PIK3C2G: variants seen among roughly 807,000 people sequenced by gnomAD.
PIK3C2G encodes the protein phosphatidylinositol 3-kinase C2 domain-containing subunit gamma.
A neutral mutation model predicts 181.1 loss-of-function variants in PIK3C2G; 168 were observed. The ratio of observed to expected loss-of-function variants is 0.93; its 90% CI spans 0.82 to 1.05. The LOEUF (loss-of-function observed/expected upper bound fraction) is 1.05. Among genes scored for constraint, PIK3C2G ranks in the 50% least tolerant of loss-of-function variants. PIK3C2G has a pLI of 0.00. For missense variants in PIK3C2G, 1,869 were observed against 1,732.8 expected, an observed-to-expected ratio of 1.08 and a Z score of -1.40; for synonymous variants, 573 against 592.2, an observed-to-expected ratio of 0.97 and a Z score of 0.47.
At chr12:18,594,443 A>G in intron 29 of PIK3C2G, 51 bp from the exon 30 acceptor site, 1 of 1,018,978 alleles carries the variant, frequency 9.8e-7, no homozygotes, top group Non-Finnish European at 1.4e-6. Context: ...AATGAATAGC[A>G]GTAACAAATA....
chr12:18,461,681 C>G (rs1414337908), intron 18 of PIK3C2G, among the ~76,000 whole-genome samples: 1 of 152,116 alleles, frequency 6.6e-6, no homozygotes, highest in Non-Finnish European at 1.5e-5. Context: ...AAAAGAAGCT[C>G]CAGAAAGCTA....
the PIK3C2G span, among the ~76,000 whole-genome samples, chr12:18,704,976 T>A: frequency 3.3e-5 from 5 of 152,228 alleles, no homozygotes; most frequent in African/African-American, 1.2e-4. Context: ...TATATAAATT[T>A]TAATCGAAAT....
At chr12:18,342,227 T>C (rs1939210467) in intron 9 of PIK3C2G, among the ~76,000 whole-genome samples, 3 of 152,102 alleles carry the variant, frequency 2.0e-5, no homozygotes, top group African/African-American at 7.2e-5. Context: ...TATGTAGTTG[T>C]TAAGAGTAGC....
At chr12:18,405,397 G>GTGGTGTTGTTGT (rs113689341) in intron 16 of PIK3C2G, among the ~76,000 whole-genome samples, 17 of 139,878 alleles carry the variant, frequency 1.2e-4, no homozygotes, top group African/African-American at 3.8e-4. Flanking sequence ...AGCAACATTT[G>GTGGTGTTGTTGT]TGTTGTTGTT....
intron 29 of PIK3C2G, among the ~76,000 whole-genome samples, chr12:18,578,844 CAA>C (rs1244775611): frequency 6.6e-6 from 1 of 151,990 alleles, no homozygotes; most frequent in Non-Finnish European, 1.5e-5. Context: ...GTTAATAAAA[CAA>C]GAGATTTAAC....
At chr12:18,601,355 T>C (rs772118418) in intron 30 of PIK3C2G, among the ~76,000 whole-genome samples, 1 of 151,580 alleles carries the variant, frequency 6.6e-6, no homozygotes, top group Non-Finnish European at 1.5e-5. Context: ...TTAAGTGAAA[T>C]AAGCCAGGAA....
rs1405791352 is a variant in PIK3C2G at position 18,399,780 on chromosome 12, A to T, written c.2248A>T (p.Met750Leu). Residue 750 changes from methionine (M) to leucine (L), a missense_variant, in exon 16 of 33, where the codon ATG becomes TTG. Coordinates refer to ENST00000538779, the MANE Select transcript of PIK3C2G (RefSeq NM_001288772.2). ...PGWDERTVSEMHTILRRWTFS... is the reference protein window; with the variant it reads ...PGWDERTVSELHTILRRWTFS... Reference sequence around the variant, plus strand: ...ATGGGATGAAAGGACTGTTTCAGAAATGCATACCATTTTGAGAAGATGGAC... The same window carrying T: ...ATGGGATGAAAGGACTGTTTCAGAATTGCATACCATTTTGAGAAGATGGAC... 6.2e-7 allele frequency: 1 copy of T among 1,607,598 alleles called. No individual in the cohort carries two copies. The highest frequency in any genetic ancestry group is 8.5e-7 in the Non-Finnish European group (1 of 1,175,292).
At chr12:18,296,490 C>G (rs1409947787) in intron 5 of PIK3C2G, among the ~76,000 whole-genome samples, 3 of 151,996 alleles carry the variant, frequency 2.0e-5, no homozygotes. Context: ...CAAAAATTAT[C>G]CTCTTTTCCA....
intron 13 of PIK3C2G, among the ~76,000 whole-genome samples, chr12:18,378,569 A>G (rs1425516586): frequency 6.6e-6 from 1 of 152,212 alleles, no homozygotes; most frequent in Non-Finnish European, 1.5e-5. Context: ...CTACCATCAG[A>G]GTGAACAGGC....
intron 24 of PIK3C2G, among the ~76,000 whole-genome samples, chr12:18,527,096 T>A (rs532318140): frequency 6.6e-6 from 1 of 152,192 alleles, no homozygotes; most frequent in Admixed American, 6.5e-5. Flanking sequence ...GTGTAAGGAT[T>A]CTGCCCTCTC....
chr12:18,666,804 T>C, the PIK3C2G span, among the ~76,000 whole-genome samples: 1 of 152,230 alleles, frequency 6.6e-6, no homozygotes, highest in East Asian at 1.9e-4. Context: ...GACCACATAT[T>C]AGGTTACAGA....
chr12:18,719,500 GAAATA>G, the PIK3C2G span: 1 of 1,587,384 alleles, frequency 6.3e-7, no homozygotes, highest in African/African-American at 1.3e-5. Flanking sequence ...ATGTGAAGAT[GAAATA>G]AAATAATCAT....
rs1949250297 is a variant in PIK3C2G, at chr12:18,282,216, T to A, written c.135T>A (p.Asp45Glu). Residue 45 changes from aspartate to glutamate, a missense_variant, in exon 2 of 33, where the codon GAT (aspartate) becomes GAA (glutamate). Asp to Glu is a conservative substitution (Grantham distance 45, BLOSUM62 2). Coordinates refer to ENST00000538779, the MANE Select transcript of PIK3C2G (RefSeq NM_001288772.2). ...GTCTGGGTTTTGATCAGATAGTAGA[T>A]GAGATCAGTGGCAAAATTCCACACT... ...QVSLGFDQIV[D>E]EISGKIPHYE... The A allele has an allele frequency of 1.9e-6, 3 of 1,613,340 alleles. No homozygotes were observed. Among genetic ancestry groups the A allele is most frequent in the Middle Eastern group, 1.6e-4 (1 of 6,084 alleles).
intron 16 of PIK3C2G, among the ~76,000 whole-genome samples, chr12:18,411,947 G>A (rs1944888449): frequency 6.6e-6 from 1 of 152,042 alleles, no homozygotes; most frequent in Non-Finnish European, 1.5e-5. Context: ...AAAACAATAA[G>A]GGGAGAAAAT....
At chr12:18,709,462 C>A in the PIK3C2G span, among the ~76,000 whole-genome samples, 1 of 152,026 alleles carries the variant, frequency 6.6e-6, no homozygotes, top group Non-Finnish European at 1.5e-5. Context: ...ATGCCTCCAA[C>A]TTTGTTTTCA....
chr12:18,472,189 A>G (rs1467497753), intron 18 of PIK3C2G, among the ~76,000 whole-genome samples: 1 of 152,244 alleles, frequency 6.6e-6, no homozygotes, highest in Non-Finnish European at 1.5e-5. Context: ...CAGATTAAGC[A>G]GAAATTCAAT....
chr12:18,701,511 T>A, the PIK3C2G span: 1 of 1,614,138 alleles, frequency 6.2e-7, no homozygotes, highest in Non-Finnish European at 8.5e-7. Context: ...CTTCTTTTTC[T>A]TGAAAAGCAT....
chr12:18,434,666 A>C (rs1946350951), intron 18 of PIK3C2G, among the ~76,000 whole-genome samples: 1 of 152,198 alleles, frequency 6.6e-6, no homozygotes, highest in Admixed American at 6.5e-5. Context: ...ATATATACAG[A>C]AGCAAAATGC....
intron 31 of PIK3C2G, among the ~76,000 whole-genome samples, chr12:18,633,139 C>G (rs1480057402): frequency 6.6e-6 from 1 of 152,124 alleles, no homozygotes; most frequent in African/African-American, 2.4e-5. Flanking sequence ...GAGGTAAAGT[C>G]CTTGAGTGAT....
Sources: gnomAD v4.1 joint callset for allele counts (sites outside exome capture counted in the v4.1 genomes callset) on GRCh38, gnomAD v4.1.1 for gene constraint, MANE v1.5 for transcripts, NCBI Gene and HGNC (gene_info 2026-07-23, HGNC 2026-07-21) for gene names.